The following CHD5 variants were observed in gnomAD, a reference collection of about 807,000 sequenced individuals.
CHD5 encodes ATP-dependent chromatin remodeler CHD5.
CHD5 carries 69 observed loss-of-function variants against 230.3 expected under a neutral mutation model. The observed-to-expected ratio is 0.30, with a 90% CI of 0.25 to 0.37. The LOEUF is 0.37. Ranked by LOEUF, CHD5 falls within the 10% of genes least tolerant of loss-of-function variation. The pLI, the probability that CHD5 is intolerant of heterozygous loss-of-function variation, is 1.00. For synonymous variants in CHD5, 1,064 were observed against 1,065.9 expected (o/e 1.00, Z 0.03); for missense variants, 1,827 against 2,622.8 (o/e 0.70, Z 6.63).
chr1:6,179,215 G>C (rs1667472465), intron 1 of CHD5, among the ~76,000 whole-genome samples: 1 of 152,382 alleles, frequency 6.6e-6, no homozygotes, highest in Admixed American at 6.5e-5. Context: ...GCCAAGGCAG[G>C]GTGGGCTGGG....
Position 6,179,987 on chromosome 1 carries a change from G to T in CHD5, c.37C>A (p.Arg13=). The change falls in exon 1 of 42, where the codon CGG becomes AGG. Residue 13 remains arginine, a synonymous_variant. Coordinates refer to ENST00000262450, the MANE Select transcript of CHD5 (RefSeq NM_015557.3). ...GPVGTEEELP[R]LFAEEMENED... ...TTCTCCATCTCCTCGGCGAACAGCC[G>T]CGGCAGCTCCTCCTCGGTGCCCACT... The T allele has an allele frequency of 7.2e-7, 1 of 1,386,694 alleles. No individual in the cohort carries two copies. Among genetic ancestry groups the T allele is most frequent in the Non-Finnish European group, 9.5e-7 (1 of 1,058,184 alleles). 85.9% of individuals were successfully genotyped at this position (1,386,694 alleles called of 1,614,324 possible). A position where few individuals can be genotyped will look rare whatever the true frequency, so the allele number is the denominator to read the frequency against.
chr1:6,150,337 AATGGATGGACAG>A (rs1666983190), intron 7 of CHD5, among the ~76,000 whole-genome samples: 1 of 124,104 alleles, frequency 8.1e-6, no homozygotes, highest in South Asian at 3.1e-4. Context: ...GGGATGGATG[AATGGATGGACAG>A]ATGGATGGAT....
chr1:6,159,950 G>A (rs1667140837), intron 2 of CHD5, among the ~76,000 whole-genome samples: 1 of 152,270 alleles, frequency 6.6e-6, no homozygotes, highest in Admixed American at 6.5e-5. Context: ...GGTGGAGGAT[G>A]TGGTCCCAGA....
intron 1 of CHD5, among the ~76,000 whole-genome samples, chr1:6,173,700 C>A (rs549766826): frequency 2.6e-5 from 4 of 152,168 alleles, no homozygotes; most frequent in Non-Finnish European, 5.9e-5. Context: ...CAGCGAGACC[C>A]AGGAGGGTCA....
chr1:6,134,781 G>T lies in CHD5; in HGVS notation c.2949C>A (p.Leu983=), dbSNP rs1666713914. The T allele has an allele frequency of 6.2e-7, 1 of 1,614,036 alleles. No homozygotes were observed. The highest frequency in any genetic ancestry group is 1.7e-5 in the Admixed American group (1 of 60,016). Residue 983 remains leucine, a synonymous_variant, in exon 19 of 42, where the codon CTC becomes CTA. Coordinates refer to ENST00000262450, the MANE Select transcript of CHD5 (RefSeq NM_015557.3). This position sits in a 1 kb window ranked among gnomAD's most constrained non-coding sequence, Gnocchi z 6.3. The part of the protein sequence containing the change: ...SKGGGNQVSL[L]NIMMDLKKCC... Reference sequence around the variant, plus strand: ...ACTTTTTCAGGTCCATCATGATGTTGAGCAGCGATACTTGGTTCCCGCCCC... The same window carrying T: ...ACTTTTTCAGGTCCATCATGATGTTTAGCAGCGATACTTGGTTCCCGCCCC...
chr1:6,162,640 T>C (rs1386950331), intron 2 of CHD5, among the ~76,000 whole-genome samples: 1 of 152,072 alleles, frequency 6.6e-6, no homozygotes, highest in East Asian at 1.9e-4. Flanking sequence ...CAGAGGCCGC[T>C]GGGATTCTGA....
chr1:6,162,800 G>A (rs959450714), intron 2 of CHD5, among the ~76,000 whole-genome samples: 3 of 152,208 alleles, frequency 2.0e-5, no homozygotes, highest in African/African-American at 7.2e-5. Flanking sequence ...ACTGCACAGA[G>A]GCTGCCAGCA....
chr1:6,124,648 G>A lies in CHD5; in HGVS notation c.4408C>T (p.Leu1470Phe). ...GGCTCACACAGGTGCCGCATGAAGAGGGACACATAGGCTCTGGGGTGGGGG... is the reference window on the plus strand; with the variant it reads ...GGCTCACACAGGTGCCGCATGAAGAAGGACACATAGGCTCTGGGGTGGGGG... ...SEKEFRAYVS[L>F]FMRHLCEPGA... is the part of the protein sequence containing the mutation. Residue 1470 changes from leucine (L) to phenylalanine (F), a missense_variant, in exon 30 of 42, where the codon CTC (leucine) becomes TTC (phenylalanine). Physicochemically the swap from Leu to Phe is conservative, Grantham distance 22. Coordinates refer to ENST00000262450, the MANE Select transcript of CHD5 (RefSeq NM_015557.3). 1.0e-6 allele frequency: 1 copy of A among 961,160 alleles called. No individual in the cohort carries two copies. Among genetic ancestry groups the A allele is most frequent in the Non-Finnish European group, 1.5e-6 (1 of 671,728 alleles). 59.5% of individuals were successfully genotyped at this position (961,160 alleles called of 1,614,324 possible).
chr1:6,165,388 G>A (rs1168214410), intron 2 of CHD5, among the ~76,000 whole-genome samples: 1 of 152,126 alleles, frequency 6.6e-6, no homozygotes, highest in African/African-American at 2.4e-5. Context: ...TGGAAGTCAG[G>A]CCCACCCAGC....
chr1:6,132,430 T>C (rs1666672983), intron 20 of CHD5, among the ~76,000 whole-genome samples: 1 of 152,204 alleles, frequency 6.6e-6, no homozygotes. Flanking sequence ...TACGGGTTCA[T>C]TTATTTATAT....
Position 6,149,249 on chromosome 1 carries a change from G to A in CHD5, c.1158C>T (p.His386=). 6.2e-7 allele frequency: 1 copy of A among 1,603,240 alleles called. No homozygotes were observed. The highest frequency in any genetic ancestry group is 8.5e-7 in the Non-Finnish European group (1 of 1,173,886). The change falls in exon 8 of 42, where the codon CAC becomes CAT. Residue 386 remains histidine (H), a synonymous_variant. Coordinates refer to ENST00000262450, the MANE Select transcript of CHD5 (RefSeq NM_015557.3). ...KAPEGKWSCP[H]CEKEGIQWEP... ...CCGGGGCTCTGCCAAGGCTTACACAGTGGGGGCAGCTCCACTTGCCCTCGG... is the reference window on the plus strand; with the variant it reads ...CCGGGGCTCTGCCAAGGCTTACACAATGGGGGCAGCTCCACTTGCCCTCGG...
chr1:6,174,980 TGG>T (rs1667400707), intron 1 of CHD5, among the ~76,000 whole-genome samples: 5 of 137,846 alleles, frequency 3.6e-5, no homozygotes, highest in Admixed American at 3.6e-4. Context: ...GAAGGATGGA[TGG>T]ATGGATGGAT....
At chr1:6,177,639 A>C (rs981202948) in intron 1 of CHD5, among the ~76,000 whole-genome samples, 3 of 152,232 alleles carry the variant, frequency 2.0e-5, no homozygotes, top group Admixed American at 6.5e-5. Context: ...CTTCCAAAGA[A>C]AGCATGACAA....
chr1:6,171,610 C>T (rs1469008991), intron 1 of CHD5, among the ~76,000 whole-genome samples: 1 of 152,220 alleles, frequency 6.6e-6, no homozygotes, highest in Non-Finnish European at 1.5e-5. Context: ...CTTTCTAAAA[C>T]CAGATCTGGG....
At position 6,152,486 on chromosome 1, in the gene CHD5, C is replaced by T; in HGVS notation, c.796G>A (p.Gly266Ser). Reference protein sequence around the residue: ...IKGSKDGKKKGKGKKTAGLKF... With the variant: ...IKGSKDGKKKSKGKKTAGLKF... ...AGCCCGGCCGTCTTTTTCCCTTTGC[C>T]CTTTTTCTTCCCATCTTTGGAGCCT... Residue 266 changes from glycine to serine, a missense_variant, in exon 6 of 42, where the codon GGC becomes AGC. Coordinates refer to ENST00000262450, the MANE Select transcript of CHD5 (RefSeq NM_015557.3). 1 of 1,614,176 alleles carries T rather than the reference C, an allele frequency of 6.2e-7. No individual in the cohort carries two copies. The highest frequency in any genetic ancestry group is 8.5e-7 in the Non-Finnish European group (1 of 1,180,038).
At chr1:6,148,402 G>A (rs1341359194) in intron 9 of CHD5, among the ~76,000 whole-genome samples, 1 of 152,214 alleles carries the variant, frequency 6.6e-6, no homozygotes, top group Non-Finnish European at 1.5e-5. Flanking sequence ...CCAGGAACCT[G>A]AATTTGAGTG....
rs933822815 is a variant in CHD5, at chr1:6,167,687, C to T, written c.207+463G>A. ...GGAGCATGCGGCAGCCTCGCCCATC[C>T]AGAACCAGCCGAGAACCAGGGACAA... On this transcript the variant is annotated intron_variant, in intron 2 of 41. Transcript: ENST00000262450. This position sits in a 1 kb window ranked among gnomAD's most constrained non-coding sequence, Gnocchi z 4.5. Among the ~76,000 whole-genome samples, 2 of 152,236 alleles carry T rather than the reference C, an allele frequency of 1.3e-5. No individual in the cohort carries two copies. The highest frequency in any genetic ancestry group is 4.8e-5 in the African/African-American group (2 of 41,472).
chr1:6,107,846 G>A (rs531449078), intron 38 of CHD5, among the ~76,000 whole-genome samples: 50 of 144,968 alleles, frequency 3.4e-4, no homozygotes, highest in Non-Finnish European at 6.5e-4. Context: ...AAGGATAATG[G>A]AGAGATGGAG....
rs113493725 is a variant in CHD5, at chr1:6,112,768, C to A, written c.5002+141G>T. On this transcript the variant is annotated intron_variant, in intron 34 of 41. Coordinates refer to ENST00000262450, the MANE Select transcript of CHD5 (RefSeq NM_015557.3). ...CATTGGCTGTGAGGGGCTGGTGAAT[C>A]CAGGCTCCCACCTGCCAGCTCCAAT... is the stretch of plus-strand genomic sequence containing the variant. 821 of 625,518 alleles carry A rather than the reference C, an allele frequency of 1.3e-3. 9 individuals carry two copies. The African/African-American group carries it at 0.014, about 10-fold the overall frequency. 38.7% of individuals were successfully genotyped at this position (625,518 alleles called of 1,614,324 possible).
Sources: gnomAD v4.1 joint callset for allele counts (sites outside exome capture counted in the v4.1 genomes callset) on GRCh38, gnomAD v4.1.1 for gene constraint, Gnocchi (gnomAD v3.1) non-coding constraint, MANE v1.5 for transcripts, NCBI Gene and HGNC (gene_info 2026-07-23, HGNC 2026-07-21) for gene names.